The following ZZEF1 variants were observed in gnomAD, a reference collection of about 807,000 sequenced individuals.
ZZEF1 encodes the protein zinc finger ZZ-type and EF-hand domain containing 1.
In ZZEF1, 157 loss-of-function variants were observed where a neutral mutation model predicts 342.8. The observed-to-expected ratio is 0.46, with a 90% CI of 0.40 to 0.52. The LOEUF is 0.52. ZZEF1 is among the 20% of genes least tolerant of loss of function. The pLI, the probability that ZZEF1 is intolerant of heterozygous loss-of-function variation, is 0.00. For missense variants in ZZEF1, 3,480 were observed against 3,725.6 expected, an observed-to-expected ratio of 0.93 and a Z score of 1.72; for synonymous variants, 1,505 against 1,429.1, an observed-to-expected ratio of 1.05 and a Z score of -1.20.
chr17:4,058,211 C>A (rs544418703), intron 31 of ZZEF1, 56 bp from the exon 32 acceptor site: 5 of 1,523,510 alleles, frequency 3.3e-6, no homozygotes, highest in South Asian at 2.5e-5. Flanking sequence ...ACAGAGGCAA[C>A]AGAAGCAATT....
Position 4,034,137 on chromosome 17 carries a change from G to A in ZZEF1, c.6462C>T (p.Ala2154=), listed in dbSNP as rs768697200. The part of the protein sequence containing the change: ...IIRLLPAEVD[A]AVIKVLSAKH... Reference sequence around the variant, plus strand: ...TGGCTGAGAGGACTTTGATCACTGCGGCGTCTACCTCTGCTGGCAAAAGAC... The same window carrying A: ...TGGCTGAGAGGACTTTGATCACTGCAGCGTCTACCTCTGCTGGCAAAAGAC... The change falls in exon 40 of 55, where the codon GCC becomes GCT. Residue 2154 remains alanine (A), a synonymous_variant. Coordinates refer to ENST00000381638, the MANE Select transcript of ZZEF1 (RefSeq NM_015113.4). 2.0e-5 allele frequency: 32 copies of A among 1,614,040 alleles called. 1 individual carries two copies. Among genetic ancestry groups the A allele is most frequent in the African/African-American group, 6.7e-5 (5 of 74,904 alleles).
chr17:4,048,752 C>T (rs1055432868), intron 37 of ZZEF1, among the ~76,000 whole-genome samples: 7 of 152,008 alleles, frequency 4.6e-5, no homozygotes, highest in African/African-American at 7.2e-5. Flanking sequence ...GTCTTGCTGT[C>T]GCCCAGTTTG....
At position 4,075,355 on chromosome 17, in the gene ZZEF1, A is replaced by G. The variant is rs1414197990; in HGVS notation, c.3309T>C (p.Tyr1103=). 2 of 1,614,100 alleles carry G rather than the reference A, an allele frequency of 1.2e-6. No homozygotes were observed. Among genetic ancestry groups the G allele is most frequent in the East Asian group, 2.2e-5 (1 of 44,898 alleles). The change falls in exon 22 of 55, where the codon TAT becomes TAC. Residue 1103 remains tyrosine, a synonymous_variant. Coordinates refer to ENST00000381638, the MANE Select transcript of ZZEF1 (RefSeq NM_015113.4). ...HTWTKESAHN[Y]ENNCHEVSVF... ...CGGATACCTCATGGCAATTATTTTC[A>G]TAGTTGTGGGCAGATTCCTTCGTCC... is the stretch of plus-strand genomic sequence containing the variant.
In ZZEF1 at chr17:4,016,441, C is replaced by T. The variant is rs771770329; in HGVS notation, c.8027G>A (p.Cys2676Tyr). The T allele has an allele frequency of 4.3e-6, 7 of 1,612,892 alleles. No individual in the cohort carries two copies. The South Asian group carries it at 7.7e-5, about 18-fold the overall frequency. The change falls in exon 49 of 55, where the codon TGC (cysteine) becomes TAC (tyrosine). Residue 2676 changes from cysteine to tyrosine, a missense_variant. Physicochemically the swap from Cys to Tyr is radical, Grantham distance 194 (BLOSUM62 -2). This residue lies in a region of ZZEF1 where 1,269 missense variants were observed against 1,342.4 expected (regional missense o/e 0.95). Coordinates refer to ENST00000381638, the MANE Select transcript of ZZEF1 (RefSeq NM_015113.4). This position sits in a 1 kb window ranked among gnomAD's most constrained non-coding sequence, Gnocchi z 4.4. The stretch of plus-strand genomic sequence containing the variant: ...CATGGTCCCCAGCATGTCCTCTCGG[C>T]AGCCCTGGAGCACTTTCTGCAGGAT... ...EKILQKVLQGCREDMLGTMAL... is the reference protein window; with the variant it reads ...EKILQKVLQGYREDMLGTMAL...
At position 4,059,219 on chromosome 17, in the gene ZZEF1, A is replaced by C; in HGVS notation, c.4955T>G (p.Val1652Gly). 2 of 1,608,834 alleles carry C rather than the reference A, an allele frequency of 1.2e-6. No homozygotes were observed. Among genetic ancestry groups the C allele is most frequent in the African/African-American group, 2.7e-5 (2 of 74,884 alleles). Reference protein sequence around the residue: ...KEIRDTYYQLVLFLVKAVKGF... With the variant: ...KEIRDTYYQLGLFLVKAVKGF... ...TTTAACTGCTTTGACCAAAAACAGA[A>C]CAAGTTGATAGTAAGTGTCTCGAAT... The change falls in exon 31 of 55, where the codon GTT becomes GGT. Residue 1652 changes from valine (V) to glycine (G), a missense_variant. Val to Gly is a moderately radical substitution (Grantham distance 109). Around this residue, in one of 5 missense-constraint regions of ZZEF1, gnomAD observed 1,528 missense variants for 1,624.1 expected, o/e 0.94. Transcript: ENST00000381638.
At chr17:4,141,189 G>GTT (rs1256581769) in intron 1 of ZZEF1, among the ~76,000 whole-genome samples, 1 of 152,206 alleles carries the variant, frequency 6.6e-6, no homozygotes, top group Non-Finnish European at 1.5e-5. Context: ...GATTACAGGC[G>GTT]TGAGCCACTG....
At position 4,052,918 on chromosome 17, in the gene ZZEF1, G is replaced by C. The variant is rs2057081681; in HGVS notation, c.5435-782C>G. Reference sequence around the variant, plus strand: ...AGACCCAGACCCAGTGAGTGAGAGAGAATAACAGTCAGGAAAGAGATGGGC... The same window carrying C: ...AGACCCAGACCCAGTGAGTGAGAGACAATAACAGTCAGGAAAGAGATGGGC... On this transcript the variant is annotated intron_variant, in intron 34 of 54. Coordinates refer to ENST00000381638, the MANE Select transcript of ZZEF1 (RefSeq NM_015113.4). Among the ~76,000 whole-genome samples, 4 of 152,132 alleles carry C rather than the reference G, an allele frequency of 2.6e-5. No homozygotes were observed. In the South Asian group the frequency reaches 6.2e-4, roughly 24 times the overall value.
At chr17:4,132,723 T>A (rs1390971246) in intron 1 of ZZEF1, among the ~76,000 whole-genome samples, 9 of 102,012 alleles carry the variant, frequency 8.8e-5, no homozygotes, top group African/African-American at 2.4e-4. Context: ...TCCCAGCACT[T>A]TGGGAGGCCG....
intron 43 of ZZEF1, among the ~76,000 whole-genome samples, chr17:4,024,186 GTTTTTTTTTTTTT>G (rs754985234): frequency 4.2e-5 from 4 of 94,408 alleles, no homozygotes; most frequent in East Asian, 6.6e-4. Context: ...TATTGCCCAG[GTTTTTTTTTTTTT>G]TTTTTTTTTT....
chr17:4,017,305 T>C lies in ZZEF1; in HGVS notation c.8001+66A>G. On this transcript the variant is annotated intron_variant, in intron 48 of 54. Coordinates refer to ENST00000381638, the MANE Select transcript of ZZEF1 (RefSeq NM_015113.4). This position sits in a 1 kb window ranked among gnomAD's most constrained non-coding sequence, Gnocchi z 5.1. ...TAGCCTCGCTCCAGGAAGCACTCAC[T>C]GGAGGAAGCCTGTGGGGCAGAGGAA... 6.5e-7 allele frequency: 1 copy of C among 1,532,006 alleles called. No individual in the cohort carries two copies. The highest frequency in any genetic ancestry group is 8.8e-7 in the Non-Finnish European group (1 of 1,140,496). The allele number at this position is 1,532,006 out of a possible 1,614,324, so 94.9% of individuals were successfully genotyped here.
At chr17:4,041,613 TAATA>T (rs1449498743) in intron 39 of ZZEF1, among the ~76,000 whole-genome samples, 4 of 152,180 alleles carry the variant, frequency 2.6e-5, no homozygotes, top group African/African-American at 7.2e-5. Context: ...ATTCCTAAAT[TAATA>T]AATAAATTCA....
intron 9 of ZZEF1, among the ~76,000 whole-genome samples, chr17:4,098,520 A>G (rs1445062587): frequency 6.6e-6 from 1 of 152,230 alleles, no homozygotes; most frequent in Non-Finnish European, 1.5e-5. Flanking sequence ...GATTGTTGGT[A>G]ATTATCCTTT....
At chr17:4,102,552 G>C (rs2058144575) in intron 8 of ZZEF1, 137 bp from the exon 9 acceptor site, 1 of 678,038 alleles carries the variant, frequency 1.5e-6, no homozygotes, top group Non-Finnish European at 2.5e-6. Context: ...AGCTGAAATA[G>C]AGCAGTAATA....
chr17:4,141,002 G>A (rs1391186393), intron 1 of ZZEF1, among the ~76,000 whole-genome samples: 1 of 151,544 alleles, frequency 6.6e-6, no homozygotes, highest in Non-Finnish European at 1.5e-5. Flanking sequence ...TCCGCCTCCT[G>A]GGTTCAAGCG....
At chr17:4,074,939 A>C (rs1294253864) in intron 23 of ZZEF1, among the ~76,000 whole-genome samples, 158 bp downstream of exon 23, 1 of 152,246 alleles carries the variant, frequency 6.6e-6, no homozygotes, top group Non-Finnish European at 1.5e-5. Flanking sequence ...CAGGTGACAG[A>C]CTATAGCTGG....
chr17:4,086,362 G>A (rs1567828397), intron 15 of ZZEF1, 124 bp downstream of exon 15: 4 of 252,084 alleles, frequency 1.6e-5, no homozygotes, highest in African/African-American at 1.2e-4. Context: ...CCTTTCTGGG[G>A]GATTCCCACA....
chr17:4,100,472 A>G (rs1445081057), intron 9 of ZZEF1, among the ~76,000 whole-genome samples: 1 of 152,210 alleles, frequency 6.6e-6, no homozygotes, highest in Non-Finnish European at 1.5e-5. Context: ...AAAAAGCAGG[A>G]AGGAGAACTG....
In ZZEF1 at chr17:4,116,864, C is replaced by G. The variant is rs557337209; in HGVS notation, c.694+108G>C. 22 of 1,163,628 alleles carry G rather than the reference C, an allele frequency of 1.9e-5. No homozygotes were observed. In the African/African-American group the frequency reaches 3.1e-4, roughly 16 times the overall value. 72.1% of individuals were successfully genotyped at this position (1,163,628 alleles called of 1,614,324 possible). ...ATTCTTACGTTACAAACTCATGACT[C>G]TGTATTTTCAGAAATGAAGGCAGGG... On this transcript the variant is annotated intron_variant, in intron 3 of 54. Transcript: ENST00000381638.
rs1460693917 is a variant in ZZEF1 at position 4,052,100 on chromosome 17, T to C, written c.5471A>G (p.Glu1824Gly). 3.1e-6 allele frequency: 5 copies of C among 1,614,074 alleles called. 2 individuals are homozygous for C. In the South Asian group the frequency reaches 5.5e-5, roughly 18 times the overall value. Residue 1824 changes from glutamate (E) to glycine (G), a missense_variant, in exon 35 of 55, where the codon GAA becomes GGA. Glu to Gly is a moderately conservative substitution (Grantham distance 98). Around this residue, in one of 5 missense-constraint regions of ZZEF1, gnomAD observed 175 missense variants for 254.6 expected, o/e 0.69. Coordinates refer to ENST00000381638, the MANE Select transcript of ZZEF1 (RefSeq NM_015113.4). The part of the protein sequence containing the change: ...VKPEGHGDDH[E>G]MVNMEFTCDH... Reference sequence around the variant, plus strand: ...ACAGGTAAACTCCATGTTGACCATTTCATGGTCGTCTCCGTGGCCCTCAGG... The same window carrying C: ...ACAGGTAAACTCCATGTTGACCATTCCATGGTCGTCTCCGTGGCCCTCAGG...
Sources: gnomAD v4.1 joint callset for allele counts (sites outside exome capture counted in the v4.1 genomes callset) on GRCh38, gnomAD v4.1.1 for gene constraint, gnomAD v4.1.1 regional missense constraint, Gnocchi (gnomAD v3.1) non-coding constraint, MANE v1.5 for transcripts, NCBI Gene and HGNC (gene_info 2026-07-23, HGNC 2026-07-21) for gene names.